Variants in OSBPL10 observed in about 807,000 individuals in gnomAD.
OSBPL10 encodes the protein oxysterol-binding protein-related protein 10.
In OSBPL10, 49 loss-of-function variants were observed where a neutral mutation model predicts 81.7. The ratio of observed to expected loss-of-function variants is 0.60; its 90% CI spans 0.48 to 0.76. OSBPL10 has a LOEUF of 0.76. OSBPL10 is among the 30% of genes least tolerant of loss of function. OSBPL10 has a pLI of 0.00. For synonymous variants in OSBPL10, 419 were observed against 383.6 expected (o/e 1.09, Z -1.08); for missense variants, 923 against 987.8 (o/e 0.93, Z 0.88).
At chr3:31,911,613 T>TA (rs111783417) in intron 1 of OSBPL10, among the ~76,000 whole-genome samples, 1,537 of 147,824 alleles carry the variant, frequency 0.01, 25 homozygotes, top group Middle Eastern at 0.035. Context: ...TGATGGACTT[T>TA]AAAAAAAAAT....
intron 7 of OSBPL10, among the ~76,000 whole-genome samples, chr3:31,691,469 C>A (rs1440821425): frequency 1.3e-5 from 2 of 152,248 alleles, no homozygotes; most frequent in East Asian, 3.9e-4. Context: ...CCCATGATCC[C>A]AGCATTTTGA....
intron 1 of OSBPL10, among the ~76,000 whole-genome samples, chr3:31,911,499 C>T (rs1239303608): frequency 6.6e-6 from 1 of 152,014 alleles, no homozygotes; most frequent in Non-Finnish European, 1.5e-5. Context: ...CTTCAACATT[C>T]CCTCTACAAC....
intron 3 of OSBPL10, among the ~76,000 whole-genome samples, chr3:31,855,798 T>C (rs1279801288): frequency 6.6e-6 from 1 of 152,118 alleles, no homozygotes; most frequent in African/African-American, 2.4e-5. Flanking sequence ...TCACAGTGGA[T>C]GCAGTTCAGT....
chr3:31,727,635 C>T (rs1378288410), intron 6 of OSBPL10, among the ~76,000 whole-genome samples: 2 of 152,184 alleles, frequency 1.3e-5, no homozygotes, highest in South Asian at 2.1e-4. Context: ...AGCTATACCT[C>T]ACTCTTCAAA....
At chr3:32,033,681 T>A (rs1044162852) in intron 2 of OSBPL10, among the ~76,000 whole-genome samples, 4 of 152,354 alleles carry the variant, frequency 2.6e-5, no homozygotes, top group African/African-American at 9.6e-5. Context: ...AAGACTTATC[T>A]GCCTTTAAGA....
chr3:31,742,300 A>G (rs1697376004), intron 5 of OSBPL10, among the ~76,000 whole-genome samples: 1 of 152,250 alleles, frequency 6.6e-6, no homozygotes. Context: ...GGGTCCTTAC[A>G]ATAGTCTCAC....
intron 5 of OSBPL10, among the ~76,000 whole-genome samples, chr3:31,739,798 C>T (rs1303409942): frequency 1.3e-5 from 2 of 152,222 alleles, no homozygotes; most frequent in African/African-American, 4.8e-5. Flanking sequence ...TTTTATAATA[C>T]TGTAGCAGCC....
At chr3:31,747,873 C>G (rs773896056) in intron 5 of OSBPL10, 37 bp downstream of exon 5, 1 of 1,587,874 alleles carries the variant, frequency 6.3e-7, no homozygotes, top group Admixed American at 1.7e-5. Flanking sequence ...AGTGTGTGTA[C>G]TCATCCCAAA....
chr3:32,037,112 T>C (rs148284267), intron 2 of OSBPL10, among the ~76,000 whole-genome samples: 2 of 152,322 alleles, frequency 1.3e-5, no homozygotes, highest in African/African-American at 4.8e-5. Context: ...GAGTATCCTG[T>C]CAGGCAGTAC....
At chr3:31,696,128 C>T (rs962109825) in intron 7 of OSBPL10, among the ~76,000 whole-genome samples, 4 of 152,162 alleles carry the variant, frequency 2.6e-5, no homozygotes, top group African/African-American at 9.7e-5. Context: ...CTCCTGCCAT[C>T]TTCTGGTGTC....
chr3:31,716,170 C>A (rs1696426460), intron 6 of OSBPL10, among the ~76,000 whole-genome samples: 1 of 152,148 alleles, frequency 6.6e-6, no homozygotes, highest in African/African-American at 2.4e-5. Context: ...GGGGGCAGGG[C>A]AGAGACCAGT....
intron 1 of OSBPL10, among the ~76,000 whole-genome samples, chr3:31,881,211 A>G (rs1410612622): frequency 6.6e-6 from 1 of 152,142 alleles, no homozygotes; most frequent in African/African-American, 2.4e-5. Flanking sequence ...CGGAAGTGGA[A>G]AGTGTTTTCC....
At chr3:31,864,590 G>C (rs948387883) in intron 3 of OSBPL10, among the ~76,000 whole-genome samples, 2 of 152,056 alleles carry the variant, frequency 1.3e-5, no homozygotes, top group African/African-American at 4.8e-5. Flanking sequence ...CAAGAGGGAG[G>C]GGGAGGGAAA....
intron 4 of OSBPL10, among the ~76,000 whole-genome samples, chr3:31,767,463 G>A (rs139916835): frequency 5.6e-4 from 86 of 152,280 alleles, no homozygotes; most frequent in African/African-American, 2.0e-3. Context: ...TTCCTGTCAG[G>A]TTACATCTGC....
At chr3:31,904,052 G>T (rs1340718930) in intron 1 of OSBPL10, among the ~76,000 whole-genome samples, 6 of 152,060 alleles carry the variant, frequency 3.9e-5, no homozygotes, top group African/African-American at 1.2e-4. Context: ...TAATACTACC[G>T]CCCTAAAAGT....
intron 4 of OSBPL10, among the ~76,000 whole-genome samples, chr3:31,749,330 G>C (rs931457588): frequency 1.3e-5 from 2 of 152,194 alleles, no homozygotes; most frequent in African/African-American, 2.4e-5. Flanking sequence ...TTTTTAAAAA[G>C]ATTATTGTTA....
intron 2 of OSBPL10, chr3:32,030,788 C>A (rs1250198431): frequency 3.4e-6 from 2 of 582,054 alleles, no homozygotes; most frequent in East Asian, 3.0e-5. Flanking sequence ...TTTGGAAACA[C>A]ATTTTCTCCA....
intron 2 of OSBPL10, among the ~76,000 whole-genome samples, chr3:32,011,299 T>G (rs1188434511): frequency 2.0e-5 from 3 of 152,196 alleles, no homozygotes; most frequent in East Asian, 1.9e-4. Context: ...TCACTGTTCT[T>G]CAGCCTCCGC....
chr3:32,073,706 G>A (rs1048254239), intron 1 of OSBPL10, among the ~76,000 whole-genome samples: 2 of 151,996 alleles, frequency 1.3e-5, no homozygotes, highest in Non-Finnish European at 2.9e-5. Context: ...TCTATATTCT[G>A]TCTAGCCATA....
Sources: gnomAD v4.1 joint callset for allele counts (sites outside exome capture counted in the v4.1 genomes callset) on GRCh38, gnomAD v4.1.1 for gene constraint, MANE v1.5 for transcripts, NCBI Gene and HGNC (gene_info 2026-07-23, HGNC 2026-07-21) for gene names.